Variants in CIT observed in about 807,000 individuals in gnomAD.
CIT encodes citron rho-interacting serine/threonine kinase, also known as citron Rho-interacting kinase.
CIT carries 79 observed loss-of-function variants against 272.7 expected under a neutral mutation model. The observed-to-expected ratio is 0.29, with a 90% CI of 0.24 to 0.35. The LOEUF is 0.35. Ranked by LOEUF, CIT falls within the 10% of genes least tolerant of loss-of-function variation. The pLI is 1.00. For synonymous variants in CIT, 948 were observed against 995.6 expected (o/e 0.95, Z 0.90); for missense variants, 1,909 against 2,618.3 (o/e 0.73, Z 5.91).
At position 119,804,212 on chromosome 12, in the gene CIT, TCCTCCGA is replaced by T. The variant is rs757071679; in HGVS notation, c.1112-830_1112-824del. Reference sequence around the variant, plus strand: ...GGGGGCGTGTTACATCCTCTCCACTTCCTCCGACCTACTAAGCGCTCTCGGTCTGGGA... The same window carrying T: ...GGGGGCGTGTTACATCCTCTCCACTTCCTACTAAGCGCTCTCGGTCTGGGA... On this transcript the variant is annotated intron_variant, in intron 9 of 47. Coordinates refer to ENST00000392521, the MANE Select transcript of CIT (RefSeq NM_001206999.2). This position sits in a 1 kb window ranked among gnomAD's most constrained non-coding sequence, Gnocchi z 5.3. 99 of 985,294 alleles carry T rather than the reference TCCTCCGA, an allele frequency of 1.0e-4. No homozygotes were observed. Among genetic ancestry groups the T allele is most frequent in the Non-Finnish European group, 1.1e-4 (95 of 829,970 alleles). The allele number at this position is 985,294 out of a possible 1,614,324, so 61.0% of individuals were successfully genotyped here.
At position 119,712,869 on chromosome 12, in the gene CIT, TAA is replaced by T; in HGVS notation, c.4580-176_4580-175del. Reference sequence around the variant, plus strand: ...GTGCAGAGAAGGCAGAGAGGGAAGATAAAAAAAAATAAAGTGTGTCAGATGAG... The same window carrying T: ...GTGCAGAGAAGGCAGAGAGGGAAGATAAAAAAATAAAGTGTGTCAGATGAG... On this transcript the variant is annotated intron_variant, in intron 35 of 47. Transcript: ENST00000392521. This position sits in a 1 kb window ranked among gnomAD's most constrained non-coding sequence, Gnocchi z 5.2. The T allele has an allele frequency of 3.5e-6, 2 of 565,882 alleles. No individual in the cohort carries two copies. The highest frequency in any genetic ancestry group is 6.2e-6 in the Non-Finnish European group (2 of 320,084). 35.1% of individuals were successfully genotyped at this position (565,882 alleles called of 1,614,324 possible).
chr12:119,782,073 A>C (rs1450579352), intron 13 of CIT: 3 of 153,114 alleles, frequency 2.0e-5, no homozygotes, highest in Admixed American at 6.5e-5. Flanking sequence ...CAAAAAAAAA[A>C]CACTTTATTT....
At chr12:119,819,562 T>C (rs1222050040) in intron 9 of CIT, among the ~76,000 whole-genome samples, 1 of 152,214 alleles carries the variant, frequency 6.6e-6, no homozygotes, top group Non-Finnish European at 1.5e-5. Flanking sequence ...TTCCTTTCAT[T>C]GGTTACAACA....
intron 2 of CIT, among the ~76,000 whole-genome samples, chr12:119,870,902 C>T (rs953000876): frequency 6.6e-6 from 1 of 151,806 alleles, no homozygotes; most frequent in Non-Finnish European, 1.5e-5. Context: ...AGGCGGATCG[C>T]GAGGTCAGAA....
chr12:119,857,721 C>A, intron 3 of CIT, 23 bp from the exon 4 acceptor site: 1 of 1,595,922 alleles, frequency 6.3e-7, no homozygotes, highest in African/African-American at 1.3e-5. Context: ...CAAGAGTTAG[C>A]CCCAGGTAAA....
intron 46 of CIT, among the ~76,000 whole-genome samples, chr12:119,691,282 A>G (rs1955932026): frequency 6.6e-6 from 1 of 152,114 alleles, no homozygotes; most frequent in Non-Finnish European, 1.5e-5. Flanking sequence ...GTCATCAACT[A>G]GGAGGTCAGC....
chr12:119,794,764 A>C (rs1448905426), intron 10 of CIT, among the ~76,000 whole-genome samples: 1 of 152,216 alleles, frequency 6.6e-6, no homozygotes, highest in Non-Finnish European at 1.5e-5. Flanking sequence ...AAGCAGGGAG[A>C]AAAAGAGAGT....
intron 7 of CIT, among the ~76,000 whole-genome samples, chr12:119,830,254 G>A (rs568111645): frequency 7.3e-5 from 11 of 151,684 alleles, no homozygotes; most frequent in Non-Finnish European, 1.2e-4. Flanking sequence ...GTGGTATAGA[G>A]TGTCATATCT....
intron 13 of CIT, among the ~76,000 whole-genome samples, chr12:119,780,685 A>G (rs745649412): frequency 6.6e-6 from 1 of 152,240 alleles, no homozygotes; most frequent in Non-Finnish European, 1.5e-5. Flanking sequence ...TCCCAAGTCT[A>G]GAAAAAATCA....
chr12:119,784,299 A>G lies in CIT; in HGVS notation c.1402-248T>C. 6.6e-7 allele frequency: 1 copy of G among 1,520,028 alleles called. No individual in the cohort carries two copies. Among genetic ancestry groups the G allele is most frequent in the South Asian group, 1.2e-5 (1 of 86,742 alleles). 94.2% of individuals were successfully genotyped at this position (1,520,028 alleles called of 1,614,324 possible). On this transcript the variant is annotated intron_variant, in intron 11 of 47. Coordinates refer to ENST00000392521, the MANE Select transcript of CIT (RefSeq NM_001206999.2). The surrounding 1 kb of genome is among the most constrained non-coding windows in gnomAD (Gnocchi z 4.7). The stretch of plus-strand genomic sequence containing the variant: ...TCACACTTGATCACTTCTCTAACCC[A>G]GTTAGCAAGGAAGCCACAATCATCA...
intron 22 of CIT, among the ~76,000 whole-genome samples, chr12:119,755,072 G>C (rs1162575146): frequency 6.6e-6 from 1 of 152,208 alleles, no homozygotes; most frequent in Non-Finnish European, 1.5e-5. Flanking sequence ...CATCGCCTAA[G>C]GCTTAAGGCT....
intron 7 of CIT, among the ~76,000 whole-genome samples, chr12:119,826,576 C>G (rs1434980960): frequency 6.6e-6 from 1 of 152,168 alleles, no homozygotes; most frequent in Non-Finnish European, 1.5e-5. Flanking sequence ...TGACGTTTTA[C>G]TGAGCCATGA....
intron 17 of CIT, among the ~76,000 whole-genome samples, chr12:119,771,767 G>T (rs1298746249): frequency 2.6e-5 from 4 of 152,130 alleles, no homozygotes; most frequent in Non-Finnish European, 5.9e-5. Context: ...CTACAAGGAG[G>T]GCTACAGAAA....
intron 47 of CIT, among the ~76,000 whole-genome samples, chr12:119,689,695 T>TTA (rs1555213865): frequency 2.8e-5 from 4 of 142,202 alleles, no homozygotes; most frequent in African/African-American, 1.1e-4. Flanking sequence ...TTTTTTTTTT[T>TTA]AAGACAGAGT....
At chr12:119,849,227 G>A (rs903929870) in intron 5 of CIT, among the ~76,000 whole-genome samples, 1 of 152,062 alleles carries the variant, frequency 6.6e-6, no homozygotes, top group African/African-American at 2.4e-5. Flanking sequence ...AGGAGTTTGC[G>A]GCCAGCCCGG....
chr12:119,748,136 G>A (rs1173084583), intron 23 of CIT, among the ~76,000 whole-genome samples: 1 of 152,072 alleles, frequency 6.6e-6, no homozygotes, highest in African/African-American at 2.4e-5. Context: ...CTGCACTCCA[G>A]CCTGGGTGAC....
chr12:119,745,374 CAA>C (rs757825062), intron 23 of CIT, among the ~76,000 whole-genome samples: 13 of 7,006 alleles, frequency 1.9e-3, no homozygotes, highest in East Asian at 3.9e-3. Context: ...AAGAAACAAG[CAA>C]AAAAAAAAAA....
At chr12:119,791,142 G>C (rs545442962) in intron 10 of CIT, among the ~76,000 whole-genome samples, 61 of 152,286 alleles carry the variant, frequency 4.0e-4, no homozygotes, top group African/African-American at 1.3e-3. Context: ...CAAAGCTGAG[G>C]CTCTATCACC....
intron 13 of CIT, among the ~76,000 whole-genome samples, chr12:119,777,295 A>C (rs1264099401): frequency 6.6e-6 from 1 of 151,558 alleles, no homozygotes; most frequent in Non-Finnish European, 1.5e-5. Flanking sequence ...AGGGGAGTAG[A>C]AAGATGGACC....
Sources: allele counts gnomAD v4.1 joint callset (sites outside exome capture counted in the v4.1 genomes callset), GRCh38; gene constraint gnomAD v4.1.1; non-coding constraint Gnocchi (gnomAD v3.1); transcripts MANE v1.5; gene names NCBI Gene and HGNC (gene_info 2026-07-23, HGNC 2026-07-21).